LYST: variants seen among roughly 807,000 people sequenced by gnomAD.
LYST encodes the protein lysosomal-trafficking regulator.
LYST carries 192 observed loss-of-function variants against 413.6 expected under a neutral mutation model. The observed-to-expected ratio is 0.46, with a 90% CI of 0.41 to 0.52. The LOEUF (loss-of-function observed/expected upper bound fraction) is 0.52, where lower values mean the gene tolerates loss of function less well. LYST is among the 20% of genes least tolerant of loss of function. The pLI, the probability that LYST is intolerant of heterozygous loss-of-function variation, is 0.00. For missense variants in LYST, 3,815 were observed against 4,499.9 expected, an observed-to-expected ratio of 0.85 and a Z score of 4.35; for synonymous variants, 1,525 against 1,567.3, an observed-to-expected ratio of 0.97 and a Z score of 0.64.
intron 48 of LYST, among the ~76,000 whole-genome samples, chr1:235,682,209 G>C (rs1243277659): frequency 1.3e-5 from 2 of 152,138 alleles, no homozygotes; most frequent in East Asian, 3.9e-4. Flanking sequence ...TATTGGTAGG[G>C]GGTCGGGGAT....
rs144597913 is a variant in LYST, at chr1:235,734,531, G to A, written c.8487C>T (p.Ile2829=). 1.7e-3 allele frequency: 2,671 copies of A among 1,613,634 alleles called. 3 individuals carry two copies. The highest frequency in any genetic ancestry group is 2.1e-3 in the Non-Finnish European group (2,435 of 1,179,620). ...NALKLCGHKC[I]PPSASTKADL... ...CTGCTTTTGTTGATGCACTGGGAGG[G>A]ATGCACTTGTGACCACATAACTTCA... Residue 2829 remains isoleucine, a synonymous_variant, in exon 32 of 53, where the codon ATC becomes ATT. Transcript: ENST00000389793.
At position 235,709,188 on chromosome 1, in the gene LYST, T is replaced by C. The variant is rs1391243948; in HGVS notation, c.10046A>G (p.Tyr3349Cys). The change falls in exon 44 of 53, where the codon TAC becomes TGC. Residue 3349 changes from tyrosine (Y) to cysteine (C), a missense_variant. Around this residue, in one of 4 missense-constraint regions of LYST, gnomAD observed 866 missense variants for 1,156.0 expected, o/e 0.75. Coordinates refer to ENST00000389793, the MANE Select transcript of LYST (RefSeq NM_000081.4). ...CCACTGACAGATGTTCTGCGACACG[T>C]AGTCAGACTCTAGAGCCTGCCGATG... ...LIHRQALESD[Y>C]VSQNICQWID... The C allele has an allele frequency of 5.0e-6, 8 of 1,614,000 alleles. No homozygotes were observed. In the African/African-American group the frequency reaches 8.0e-5, roughly 16 times the overall value.
At chr1:235,715,162 G>A in intron 42 of LYST, 39 bp downstream of exon 42, 5 of 1,534,796 alleles carry the variant, frequency 3.3e-6, no homozygotes, top group Non-Finnish European at 4.5e-6. Flanking sequence ...TGTTTCTGAT[G>A]ACCCAACATG....
chr1:235,791,925 A>G lies in LYST; in HGVS notation c.4317T>C (p.Asp1439=), dbSNP rs779417200. Residue 1439 remains aspartate (D), a synonymous_variant, in exon 12 of 53, where the codon GAT becomes GAC. Transcript: ENST00000389793. ...GCAGCCGATGGGGAAAACTCTCTCT[A>G]TCAGCCTCTTTCTTGCTCCGTGAAA... The part of the protein sequence containing the change: ...ARVSRSKKEA[D]RESFPHRLLS... 7.4e-6 allele frequency: 12 copies of G among 1,614,114 alleles called. No homozygotes were observed. In the South Asian group the frequency reaches 8.8e-5, roughly 12 times the overall value.
chr1:235,840,668 T>C (rs917973669), intron 1 of LYST, among the ~76,000 whole-genome samples: 6 of 152,184 alleles, frequency 3.9e-5, no homozygotes, highest in African/African-American at 7.2e-5. Flanking sequence ...CCATGAATTA[T>C]TTTGAACATG....
chr1:235,832,525 G>T (rs542305016), intron 2 of LYST, among the ~76,000 whole-genome samples: 6 of 152,010 alleles, frequency 3.9e-5, no homozygotes, highest in Admixed American at 6.5e-5. Flanking sequence ...TATATGAATA[G>T]GTTAGTGTAT....
intron 1 of LYST, among the ~76,000 whole-genome samples, chr1:235,853,599 T>G (rs1236624895): frequency 6.6e-6 from 1 of 152,104 alleles, no homozygotes; most frequent in Non-Finnish European, 1.5e-5. Flanking sequence ...TTTTTCATAT[T>G]TCAGGGTGTC....
intron 48 of LYST, among the ~76,000 whole-genome samples, chr1:235,678,156 C>T (rs1659534565): frequency 6.6e-6 from 1 of 151,870 alleles, no homozygotes; most frequent in Non-Finnish European, 1.5e-5. Context: ...AGAAGAAATA[C>T]TTCTGTAAAA....
In LYST at chr1:235,662,691, T is replaced by A. The variant is rs771237392; in HGVS notation, c.*249A>T. ...TTAAGAATATCATTTTAATGTACCATGCGAGGCTTAAAACTTGTTGGCTAG... is the reference window on the plus strand; with the variant it reads ...TTAAGAATATCATTTTAATGTACCAAGCGAGGCTTAAAACTTGTTGGCTAG... On this transcript the variant is annotated 3_prime_UTR_variant, in exon 53 of 53. Transcript: ENST00000389793. 3.8e-6 allele frequency: 2 copies of A among 530,622 alleles called. No individual in the cohort carries two copies. Among genetic ancestry groups the A allele is most frequent in the Non-Finnish European group, 3.4e-6 (1 of 292,874 alleles). 32.9% of individuals were successfully genotyped at this position (530,622 alleles called of 1,614,324 possible). A position where few individuals can be genotyped will look rare whatever the true frequency, so the allele number is the denominator to read the frequency against.
chr1:235,828,916 T>C (rs966903019), intron 3 of LYST: 70 of 909,620 alleles, frequency 7.7e-5, no homozygotes, highest in Non-Finnish European at 8.9e-5. Flanking sequence ...TAAAAATACA[T>C]AAACTTGGCT....
At chr1:235,697,992 T>C (rs1661238051) in intron 45 of LYST, among the ~76,000 whole-genome samples, 1 of 152,172 alleles carries the variant, frequency 6.6e-6, no homozygotes, top group South Asian at 2.1e-4. Context: ...AAAGGTTTCC[T>C]CCACTTCAAG....
intron 21 of LYST, among the ~76,000 whole-genome samples, chr1:235,765,876 T>C (rs1668092821): frequency 6.6e-6 from 1 of 152,102 alleles, no homozygotes; most frequent in African/African-American, 2.4e-5. Context: ...TGAGTCTATG[T>C]CTCCTTTCTC....
chr1:235,732,990 A>C (rs954162354), intron 34 of LYST, among the ~76,000 whole-genome samples: 1 of 151,384 alleles, frequency 6.6e-6, no homozygotes, highest in Non-Finnish European at 1.5e-5. Context: ...CTATCCTTCA[A>C]AGAGTTGACA....
rs765278943 is a variant in LYST at position 235,793,538 on chromosome 1, G to A, written c.4081C>T (p.Leu1361Phe). Residue 1361 changes from leucine to phenylalanine, a missense_variant, in exon 11 of 53, where the codon CTT becomes TTT. Leu to Phe is a conservative substitution (Grantham distance 22). This residue lies in a region of LYST where 1,648 missense variants were observed against 1,810.3 expected (regional missense o/e 0.91). Transcript: ENST00000389793. ...GATTTCTCCAGAAATATTCTCAAAA[G>A]AAGGGTTAGCTCTTCTGAACATGTT... ...SRTCSEELTL[L>F]LRIFLEKSPC... 3.2e-5 allele frequency: 51 copies of A among 1,588,910 alleles called. No homozygotes were observed. Among genetic ancestry groups the A allele is most frequent in the Middle Eastern group, 1.7e-4 (1 of 6,026 alleles).
At chr1:235,836,172 G>A (rs539344501) in intron 1 of LYST, among the ~76,000 whole-genome samples, 1 of 152,262 alleles carries the variant, frequency 6.6e-6, no homozygotes, top group South Asian at 2.1e-4. Flanking sequence ...CTGATTTAAT[G>A]TATTAGCTAC....
intron 3 of LYST, chr1:235,827,728 G>A (rs1254219708): frequency 1.0e-6 from 1 of 974,380 alleles, no homozygotes; most frequent in Admixed American, 6.2e-5. Context: ...TAGGTGGAAA[G>A]AAGGGATTAA....
At chr1:235,793,747 A>G (rs992930299) in intron 10 of LYST, 135 bp from the exon 11 acceptor site, 68 of 498,862 alleles carry the variant, frequency 1.4e-4, no homozygotes, top group Non-Finnish European at 2.1e-4. Context: ...AGGAATCACA[A>G]AATTTGCTGA....
At chr1:235,692,342 C>A (rs1056036113) in intron 47 of LYST, among the ~76,000 whole-genome samples, 3 of 151,032 alleles carry the variant, frequency 2.0e-5, no homozygotes, top group Admixed American at 2.0e-4. Flanking sequence ...CATAACAAAC[C>A]AACCAACCAA....
rs112460353 is a variant in LYST, at chr1:235,859,236, T to C, written c.-98+7607A>G. ...GTCCTCCTGGACCTGACTCTTCCAT[T>C]TCCTCTCGTTACATTTGATCAATTA... On this transcript the variant is annotated intron_variant, in intron 1 of 52. Coordinates refer to ENST00000389793, the MANE Select transcript of LYST (RefSeq NM_000081.4). Among the ~76,000 whole-genome samples, 905 of 152,266 alleles carry C rather than the reference T, an allele frequency of 5.9e-3. 19 individuals are homozygous for C. The highest frequency in any genetic ancestry group is 0.019 in the African/African-American group (805 of 41,536).
Sources: gnomAD v4.1 joint callset for allele counts (sites outside exome capture counted in the v4.1 genomes callset) on GRCh38, gnomAD v4.1.1 for gene constraint, gnomAD v4.1.1 regional missense constraint, MANE v1.5 for transcripts, NCBI Gene and HGNC (gene_info 2026-07-23, HGNC 2026-07-21) for gene names.